The following SYNE1 variants were observed in gnomAD, a reference collection of about 807,000 sequenced individuals.
The protein encoded by SYNE1 is spectrin repeat containing nuclear envelope protein 1, also known as nesprin-1.
A neutral mutation model predicts 1,111.0 loss-of-function variants in SYNE1; 616 were observed. The observed-to-expected ratio is 0.55, with a 90% CI of 0.52 to 0.59. SYNE1 has a LOEUF of 0.59. Among genes scored for constraint, SYNE1 ranks in the 20% least tolerant of loss-of-function variants. The pLI is 0.00. For synonymous variants in SYNE1, 3,855 were observed against 3,825.8 expected (o/e 1.01, Z -0.28); for missense variants, 10,006 against 10,417.0 (o/e 0.96, Z 1.72).
At chr6:152,323,380 A>C in intron 82 of SYNE1, 98 bp downstream of exon 82, 12 of 1,548,192 alleles carry the variant, frequency 7.8e-6, no homozygotes, top group Non-Finnish European at 1.0e-5. Context: ...CGGAGCTTGC[A>C]GTGAGCCGAG....
At chr6:152,461,576 T>C in intron 21 of SYNE1, 21 bp downstream of exon 21, 1 of 1,613,912 alleles carries the variant, frequency 6.2e-7, no homozygotes, top group African/African-American at 1.3e-5. Context: ...CAGCCTATTG[T>C]GCATTAAATT....
At position 152,559,758 on chromosome 6, in the gene SYNE1, GA is replaced by G. The variant is rs541817705; in HGVS notation, c.68-19738del. ...AGAAAGACTAAGCCCAAACTTAGGAGAAGGAAGGAAATAACAAAGATCAGGG... is the reference window on the plus strand; with the variant it reads ...AGAAAGACTAAGCCCAAACTTAGGAGAGGAAGGAAATAACAAAGATCAGGG... On this transcript the variant is annotated intron_variant, in intron 3 of 145. Transcript: ENST00000367255. Among the ~76,000 whole-genome samples the G allele has an allele frequency of 1.5e-4, 23 of 152,168 alleles. No individual in the cohort carries two copies. The South Asian group carries it at 2.7e-3, about 18-fold the overall frequency.
chr6:152,538,191 T>A lies in SYNE1; in HGVS notation c.129+1769A>T, dbSNP rs2127959827. On this transcript the variant is annotated intron_variant, in intron 4 of 145. Coordinates refer to ENST00000367255, the MANE Select transcript of SYNE1 (RefSeq NM_182961.4). ...TGTGCATAGCTGTTGACTACCTACT[T>A]CTAGAAATTTATCCTAAGAAGAAAA... Among the ~76,000 whole-genome samples the A allele has an allele frequency of 2.0e-5, 3 of 152,292 alleles. No homozygotes were observed. In the South Asian group the frequency reaches 6.2e-4, roughly 32 times the overall value.
At chr6:152,630,943 T>C (rs1361716776) in intron 2 of SYNE1, among the ~76,000 whole-genome samples, 2 of 152,236 alleles carry the variant, frequency 1.3e-5, no homozygotes, top group African/African-American at 2.4e-5. Flanking sequence ...TTTCCCTGCA[T>C]GTGCCCAGTA....
chr6:152,239,795 A>C, intron 107 of SYNE1, 89 bp from the exon 108 acceptor site: 88 of 1,420,092 alleles, frequency 6.2e-5, no homozygotes, highest in Non-Finnish European at 8.1e-5. Flanking sequence ...GCGGTGGCTC[A>C]CGCCTGTAAT....
chr6:152,532,061 T>C (rs2099205305), intron 4 of SYNE1, among the ~76,000 whole-genome samples: 1 of 152,214 alleles, frequency 6.6e-6, no homozygotes, highest in Non-Finnish European at 1.5e-5. Flanking sequence ...TTTTATCTTA[T>C]TTTTTGAAAA....
chr6:152,342,091 C>G (rs546506630), intron 74 of SYNE1, among the ~76,000 whole-genome samples: 2 of 152,280 alleles, frequency 1.3e-5, no homozygotes, highest in African/African-American at 4.8e-5. Flanking sequence ...TTCCAAAGAC[C>G]ATTTTGAGAG....
At chr6:152,167,730 T>C in intron 130 of SYNE1, 1 of 535,540 alleles carries the variant, frequency 1.9e-6, no homozygotes, top group Non-Finnish European at 3.8e-6. Flanking sequence ...AAGGCTAAAT[T>C]TCAGTTTCAT....
chr6:152,505,443 A>G, intron 8 of SYNE1, 46 bp from the exon 9 acceptor site: 1 of 1,601,476 alleles, frequency 6.2e-7, no homozygotes, highest in Admixed American at 1.7e-5. Flanking sequence ...CTGAATAGAT[A>G]CAAGCACTTT....
intron 142 of SYNE1, chr6:152,134,730 A>G: frequency 4.0e-6 from 1 of 249,246 alleles, no homozygotes; most frequent in East Asian, 1.1e-4. Flanking sequence ...GTCTCATTCT[A>G]TTCTAATATT....
intron 3 of SYNE1, among the ~76,000 whole-genome samples, chr6:152,578,695 C>G (rs2099509580): frequency 2.0e-5 from 3 of 152,148 alleles, no homozygotes; most frequent in Admixed American, 2.0e-4. Flanking sequence ...ATTTTTAAGG[C>G]TTATTAACCC....
chr6:152,251,305 T>C (rs911427046), intron 104 of SYNE1, among the ~76,000 whole-genome samples: 7 of 151,986 alleles, frequency 4.6e-5, no homozygotes, highest in African/African-American at 1.7e-4. Context: ...CTACTCAAGG[T>C]GGTAGGAAAC....
intron 126 of SYNE1, 135 bp from the exon 127 acceptor site, chr6:152,202,084 C>T (rs866177989): frequency 8.5e-6 from 10 of 1,174,440 alleles, no homozygotes; most frequent in South Asian, 8.2e-5. Flanking sequence ...TGGTGGCTCA[C>T]GCGTGTAATC....
Position 152,486,780 on chromosome 6 carries a change from C to T in SYNE1, c.1047+1616G>A, listed in dbSNP as rs79134467. Among the ~76,000 whole-genome samples, 1,077 of 152,228 alleles carry T rather than the reference C, an allele frequency of 7.1e-3. 18 individuals are homozygous for T. The highest frequency in any genetic ancestry group is 0.024 in the African/African-American group (1,014 of 41,538). Reference sequence around the variant, plus strand: ...CAAATATAATATTGATGCTATCATCCACCTAAATTCAGGCATATTTTAAAG... The same window carrying T: ...CAAATATAATATTGATGCTATCATCTACCTAAATTCAGGCATATTTTAAAG... On this transcript the variant is annotated intron_variant, in intron 12 of 145. Coordinates refer to ENST00000367255, the MANE Select transcript of SYNE1 (RefSeq NM_182961.4).
At chr6:152,467,385 T>G (rs1253948787) in intron 16 of SYNE1, among the ~76,000 whole-genome samples, 2 of 152,102 alleles carry the variant, frequency 1.3e-5, no homozygotes, top group African/African-American at 4.8e-5. Context: ...AAACAAGCAA[T>G]TCATTATTTG....
Position 152,427,813 on chromosome 6 carries a change from T to C in SYNE1, c.4980A>G (p.Leu1660=). The change falls in exon 38 of 146, where the codon CTA becomes CTG. Residue 1660 remains leucine (L), a synonymous_variant. Transcript: ENST00000367255. ...TCAAAAAGGATGATAGTTCTTTCTC[T>C]AGCCTAAAGGAAGCAGAGAGCAGAA... ...LENLLAHWQR[L]EKELSSFLTW... The C allele has an allele frequency of 6.2e-7, 1 of 1,614,070 alleles. No individual in the cohort carries two copies. The highest frequency in any genetic ancestry group is 2.2e-5 in the East Asian group (1 of 44,860).
At chr6:152,155,422 C>T (rs1212276440) in intron 132 of SYNE1, 5 of 312,080 alleles carry the variant, frequency 1.6e-5, no homozygotes, top group Non-Finnish European at 3.1e-5. Flanking sequence ...CCATTTAAGT[C>T]CAACATTCAA....
At position 152,441,326 on chromosome 6, in the gene SYNE1, T is replaced by C. The variant is rs76856540; in HGVS notation, c.4009-56A>G. 7,883 of 1,549,270 alleles carry C rather than the reference T, an allele frequency of 5.1e-3. 298 individuals are homozygous for C. The African/African-American group carries it at 0.089, about 18-fold the overall frequency. ...TTACAAATGTCACACAATACTATCA[T>C]ATTTTCATTCGTTTGCAAAACTGTC... On this transcript the variant is annotated intron_variant, in intron 31 of 145. Coordinates refer to ENST00000367255, the MANE Select transcript of SYNE1 (RefSeq NM_182961.4).
Position 152,359,366 on chromosome 6 carries a change from T to C in SYNE1, c.10392A>G (p.Leu3464=). 1 of 1,614,190 alleles carries C rather than the reference T, an allele frequency of 6.2e-7. No homozygotes were observed. Among genetic ancestry groups the C allele is most frequent in the Admixed American group, 1.7e-5 (1 of 60,026 alleles). ...ATCGTTCCTGTAGATCCTGGAGTTC[T>C]AGCTGGGTGACATAGTGTTCTGTCA... ...AGMTEHYVTQ[L]ELQDLQERYR... The change falls in exon 65 of 146, where the codon CTA becomes CTG. Residue 3464 remains leucine, a synonymous_variant. Transcript: ENST00000367255.
Sources: allele counts gnomAD v4.1 joint callset (sites outside exome capture counted in the v4.1 genomes callset), GRCh38; gene constraint gnomAD v4.1.1; transcripts MANE v1.5; gene names NCBI Gene and HGNC (gene_info 2026-07-23, HGNC 2026-07-21).